The following GSE1 variants were observed in gnomAD, a reference collection of about 807,000 sequenced individuals.
GSE1 encodes the protein genetic suppressor element 1.
A neutral mutation model predicts 112.6 loss-of-function variants in GSE1; 32 were observed. That is an observed-to-expected ratio of 0.28 (90% CI 0.21 to 0.38). GSE1 has a LOEUF of 0.38. GSE1 is among the 10% of genes least tolerant of loss of function. The pLI is 1.00. For synonymous variants in GSE1, 1,115 were observed against 735.6 expected (o/e 1.52, Z -8.35); for missense variants, 2,348 against 1,699.2 (o/e 1.38, Z -6.71).
chr16:85,500,902 T>G (rs1307995094), intron 2 of GSE1, among the ~76,000 whole-genome samples: 1 of 152,024 alleles, frequency 6.6e-6, no homozygotes, highest in Non-Finnish European at 1.5e-5. Flanking sequence ...AGCACGTGGC[T>G]GTCTTCCGTG....
intron 2 of GSE1, among the ~76,000 whole-genome samples, chr16:85,387,639 A>G (rs1266595329): frequency 6.6e-6 from 1 of 152,106 alleles, no homozygotes; most frequent in Non-Finnish European, 1.5e-5. Context: ...ATCACCAACT[A>G]TCCAAAACTG....
intron 1 of GSE1, among the ~76,000 whole-genome samples, chr16:85,254,768 G>T (rs1310145615): frequency 6.6e-6 from 1 of 152,224 alleles, no homozygotes; most frequent in Non-Finnish European, 1.5e-5. Context: ...AGGGAAGGAC[G>T]CAGGCAGAGG....
intron 1 of GSE1, among the ~76,000 whole-genome samples, chr16:85,564,556 T>C (rs1027163643): frequency 2.0e-5 from 3 of 152,176 alleles, no homozygotes; most frequent in African/African-American, 7.2e-5. Context: ...TGAGCTCTCC[T>C]TTCTACTCTG....
chr16:85,653,962 C>A (rs2051672300), intron 3 of GSE1, among the ~76,000 whole-genome samples: 2 of 152,126 alleles, frequency 1.3e-5, no homozygotes, highest in Admixed American at 6.5e-5. Context: ...GAGCCCCTGC[C>A]ACCCTGCATC....
chr16:85,383,548 T>C (rs549156154), intron 2 of GSE1, among the ~76,000 whole-genome samples: 9 of 48,782 alleles, frequency 1.8e-4, no homozygotes, highest in Non-Finnish European at 1.7e-4. Flanking sequence ...TCTCTCTCTC[T>C]CTCTCTCTCT....
At chr16:85,366,962 G>A (rs538470862) in intron 2 of GSE1, among the ~76,000 whole-genome samples, 19 of 152,300 alleles carry the variant, frequency 1.2e-4, no homozygotes, top group Middle Eastern at 3.4e-3. Context: ...GGGTGTCCCC[G>A]GGGCAGGGCC....
chr16:85,637,803 C>G (rs991340823), intron 2 of GSE1, among the ~76,000 whole-genome samples: 4 of 151,792 alleles, frequency 2.6e-5, no homozygotes, highest in Non-Finnish European at 2.9e-5. Flanking sequence ...TGGGGTCCCT[C>G]TGGTGCCTGC....
At chr16:85,221,594 C>G (rs1782962299) in intron 1 of GSE1, among the ~76,000 whole-genome samples, 1 of 152,176 alleles carries the variant, frequency 6.6e-6, no homozygotes, top group South Asian at 2.1e-4. Context: ...AGCCCCAACT[C>G]CCCAGCCAGG....
intron 2 of GSE1, among the ~76,000 whole-genome samples, chr16:85,463,329 G>T (rs1446413209): frequency 6.6e-6 from 1 of 152,196 alleles, no homozygotes; most frequent in Admixed American, 6.5e-5. Context: ...CCCTGGGTTG[G>T]TTTCCTCAAG....
At chr16:85,572,918 G>C (rs1443932503) in intron 1 of GSE1, among the ~76,000 whole-genome samples, 1 of 152,220 alleles carries the variant, frequency 6.6e-6, no homozygotes, top group East Asian at 1.9e-4. Context: ...CGCCCAGACT[G>C]GAGTGCAGTG....
At chr16:85,554,353 T>G (rs374832065), upstream of GSE1, among the ~76,000 whole-genome samples, 1 of 152,070 alleles carries the variant, frequency 6.6e-6, no homozygotes, top group Non-Finnish European at 1.5e-5. Context: ...ACACTCACAC[T>G]CTCTGTGCAG....
intron 2 of GSE1, among the ~76,000 whole-genome samples, chr16:85,376,760 C>G (rs1431589594): frequency 1.3e-5 from 2 of 152,138 alleles, no homozygotes. Context: ...GGGGGCTTTG[C>G]TGGGCAGAGA....
At chr16:85,219,389 C>G (rs780269380) in intron 1 of GSE1, among the ~76,000 whole-genome samples, 6 of 152,190 alleles carry the variant, frequency 3.9e-5, no homozygotes, top group Non-Finnish European at 8.8e-5. Context: ...CCAGAATAAT[C>G]TTTGTGGGGA....
intron 1 of GSE1, among the ~76,000 whole-genome samples, chr16:85,292,288 G>T (rs769989864): frequency 6.7e-6 from 1 of 149,756 alleles, no homozygotes; most frequent in South Asian, 2.1e-4. Flanking sequence ...ACAGGTGCAC[G>T]CCACCATGCC....
chr16:85,556,121 G>C, exon 1 of GSE1: 1 of 972,074 alleles, frequency 1.0e-6, no homozygotes, highest in Non-Finnish European at 1.2e-6. Flanking sequence ...CGGAGAGAGA[G>C]CCTTTTGATC....
intron 1 of GSE1, among the ~76,000 whole-genome samples, chr16:85,585,927 G>C (rs1353075692): frequency 6.6e-6 from 1 of 152,198 alleles, no homozygotes; most frequent in Non-Finnish European, 1.5e-5. Context: ...CCTTGGGCAA[G>C]TTACTCAACC....
chr16:85,668,300 G>A lies in GSE1; in HGVS notation c.3291G>A (p.Leu1097=). 1.2e-6 allele frequency: 2 copies of A among 1,613,128 alleles called. No individual in the cohort carries two copies. The highest frequency in any genetic ancestry group is 1.7e-6 in the Non-Finnish European group (2 of 1,179,262). The change falls in exon 14 of 16, where the codon TTG becomes TTA. Residue 1097 remains leucine, a synonymous_variant. Transcript: ENST00000253458. Reference sequence around the variant, plus strand: ...GGAAGGGCCCCCCAACCCAGGAGTTGGACCGGGACTCGGAGGAGGAGGAAG... The same window carrying A: ...GGAAGGGCCCCCCAACCCAGGAGTTAGACCGGGACTCGGAGGAGGAGGAAG... ...TARKGPPTQE[L]DRDSEEEEEE...
chr16:85,308,818 C>T (rs1225617228), intron 1 of GSE1, among the ~76,000 whole-genome samples: 1 of 150,306 alleles, frequency 6.7e-6, no homozygotes, highest in Admixed American at 6.7e-5. Flanking sequence ...TCAGCCTTCT[C>T]AGATCCAATT....
intron 1 of GSE1, among the ~76,000 whole-genome samples, chr16:85,596,147 C>T (rs2151458838): frequency 6.6e-6 from 1 of 152,076 alleles, no homozygotes; most frequent in East Asian, 1.9e-4. Context: ...GATCTTTTCT[C>T]TGGCAGAGAC....
Sources: gnomAD v4.1 joint callset for allele counts (sites outside exome capture counted in the v4.1 genomes callset) on GRCh38, gnomAD v4.1.1 for gene constraint, MANE v1.5 for transcripts, NCBI Gene and HGNC (gene_info 2026-07-23, HGNC 2026-07-21) for gene names.